Variants in TPCN1 observed in about 807,000 individuals in gnomAD.
TPCN1 encodes two pore channel protein 1.
TPCN1 carries 52 observed loss-of-function variants against 108.8 expected under a neutral mutation model. That is an observed-to-expected ratio of 0.48 (90% confidence interval 0.38 to 0.60). TPCN1 has a LOEUF of 0.60. Ranked by LOEUF, TPCN1 falls within the 20% of genes least tolerant of loss-of-function variation. TPCN1 has a pLI of 0.00. For missense variants in TPCN1, 806 were observed against 1,072.8 expected (o/e 0.75, Z 3.47); for synonymous variants, 446 against 433.7 (o/e 1.03, Z -0.35).
intron 1 of TPCN1, among the ~76,000 whole-genome samples, chr12:113,225,828 A>G (rs1006187301): frequency 1.3e-5 from 2 of 152,010 alleles, no homozygotes; most frequent in African/African-American, 4.8e-5. Flanking sequence ...TGCTGGGATT[A>G]CAGGTGTCAG....
chr12:113,269,764 C>T lies in TPCN1; in HGVS notation c.667C>T (p.Arg223Trp), dbSNP rs576942556. Reference protein sequence around the residue: ...RYCGGVRRNLRQIFQSLPPFM... With the variant: ...RYCGGVRRNLWQIFQSLPPFM... ...TGGCCCATCTCTCCCCAGCAACCTGCGGCAGATCTTCCAGTCCCTGCCGCC... is the reference window on the plus strand; with the variant it reads ...TGGCCCATCTCTCCCCAGCAACCTGTGGCAGATCTTCCAGTCCCTGCCGCC... Residue 223 changes from arginine (R) to tryptophan (W), a missense_variant, in exon 7 of 28, where the codon CGG becomes TGG. Arg to Trp is a moderately radical substitution (Grantham distance 101). Transcript: ENST00000335509. The surrounding 1 kb of genome is among the most constrained non-coding windows in gnomAD (Gnocchi z 5.0). 1.9e-6 allele frequency: 3 copies of T among 1,613,458 alleles called. No homozygotes were observed. The highest frequency in any genetic ancestry group is 4.5e-5 in the East Asian group (2 of 44,894).
chr12:113,239,614 G>A (rs1258797232), intron 2 of TPCN1, among the ~76,000 whole-genome samples: 1 of 152,202 alleles, frequency 6.6e-6, no homozygotes, highest in Admixed American at 6.5e-5. Context: ...CCACTGGAGG[G>A]TGACAAGGAG....
intron 14 of TPCN1, 37 bp from the exon 15 acceptor site, chr12:113,280,114 G>A (rs766170866): frequency 1.9e-5 from 29 of 1,531,254 alleles, no homozygotes; most frequent in Admixed American, 1.2e-4. Context: ...GAACAAGTGC[G>A]TAAATTTACA....
chr12:113,266,359 G>T lies in TPCN1; in HGVS notation c.414+3G>T. ...CCGCACTCCGGCTTGGCATCTATGT[G>T]AGCGCACATGCTCCTCATACGGGGG... On this transcript the variant is annotated splice_donor_region_variant and intron_variant, in intron 4 of 27. Transcript: ENST00000335509. The surrounding 1 kb of genome is among the most constrained non-coding windows in gnomAD (Gnocchi z 4.2). 6.2e-7 allele frequency: 1 copy of T among 1,605,082 alleles called. No individual in the cohort carries two copies.
At chr12:113,239,984 T>C (rs767037120) in intron 2 of TPCN1, among the ~76,000 whole-genome samples, 1 of 152,056 alleles carries the variant, frequency 6.6e-6, no homozygotes, top group East Asian at 1.9e-4. Flanking sequence ...CTTTCACTTG[T>C]GGGTGGTCGT....
At chr12:113,292,812 A>G in intron 25 of TPCN1, 122 bp from the exon 26 acceptor site, 1 of 1,097,138 alleles carries the variant, frequency 9.1e-7, no homozygotes, top group East Asian at 2.4e-5. Flanking sequence ...ACACCAATGC[A>G]GTGTCGGTTT....
Position 113,288,774 on chromosome 12 carries a change from C to G in TPCN1, c.1723C>G (p.Leu575Val). 2 of 1,613,074 alleles carry G rather than the reference C, an allele frequency of 1.2e-6. No individual in the cohort carries two copies. The highest frequency in any genetic ancestry group is 1.7e-6 in the Non-Finnish European group (2 of 1,180,022). ...GCCCCACAGCCTGGGCCTCACCCTGCTCATCTTTTACTACTCCTTCGCCAT... is the reference window on the plus strand; with the variant it reads ...GCCCCACAGCCTGGGCCTCACCCTGGTCATCTTTTACTACTCCTTCGCCAT... ...PRMASLGLTL[L>V]IFYYSFAIVG... The change falls in exon 21 of 28, where the codon CTC becomes GTC. Residue 575 changes from leucine to valine, a missense_variant. Physicochemically the swap from Leu to Val is conservative, Grantham distance 32. Transcript: ENST00000335509. This position sits in a 1 kb window ranked among gnomAD's most constrained non-coding sequence, Gnocchi z 4.8.
At position 113,284,992 on chromosome 12, in the gene TPCN1, G is replaced by T. The variant is rs948738904; in HGVS notation, c.1453+221G>T. 6.6e-6 allele frequency among the ~76,000 whole-genome samples: 1 copy of T among 152,204 alleles called. No homozygotes were observed. Among genetic ancestry groups the T allele is most frequent in the South Asian group, 2.1e-4 (1 of 4,834 alleles). ...CTAGGCGTGTGTGACCCTCCACTCG[G>T]CTCTGCAGCCCTGCTGTTTGCCAGC... is the stretch of plus-strand genomic sequence containing the variant. On this transcript the variant is annotated intron_variant, in intron 17 of 27. Coordinates refer to ENST00000335509, the MANE Select transcript of TPCN1 (RefSeq NM_017901.6). The surrounding 1 kb of genome is among the most constrained non-coding windows in gnomAD (Gnocchi z 4.1).
rs1956320791 is a variant in TPCN1, at chr12:113,293,086, G to T, written c.2253+13G>T. 1.9e-6 allele frequency: 3 copies of T among 1,608,100 alleles called. No individual in the cohort carries two copies. The highest frequency in any genetic ancestry group is 2.5e-6 in the Non-Finnish European group (3 of 1,176,944). ...GGAGAGATACCAGGTGAGGAGCCCA[G>T]GCCCTGGTCCGAAGGAGGGAGGCAG... On this transcript the variant is annotated intron_variant, in intron 26 of 27. Coordinates refer to ENST00000335509, the MANE Select transcript of TPCN1 (RefSeq NM_017901.6).
At chr12:113,234,746 T>G (rs1167777408) in intron 2 of TPCN1, among the ~76,000 whole-genome samples, 1 of 152,232 alleles carries the variant, frequency 6.6e-6, no homozygotes, top group East Asian at 1.9e-4. Context: ...GGGGCCAGTG[T>G]GCACTCTCTG....
At chr12:113,293,670 T>C (rs1178508797) in intron 27 of TPCN1, among the ~76,000 whole-genome samples, 1 of 152,154 alleles carries the variant, frequency 6.6e-6, no homozygotes, top group Non-Finnish European at 1.5e-5. Context: ...AGAAACACAG[T>C]GAGCAAAGAG....
Position 113,297,202 on chromosome 12 carries a change from T to G in TPCN1, c.*1126T>G, listed in dbSNP as rs1956455119. The G allele has an allele frequency of 6.6e-6, 1 of 152,466 alleles. No individual in the cohort carries two copies. The highest frequency in any genetic ancestry group is 2.4e-5 in the African/African-American group (1 of 41,328). The allele number at this position is 152,466 out of a possible 1,614,324, so 9.4% of individuals were successfully genotyped here. A position where few individuals can be genotyped will look rare whatever the true frequency, so the allele number is the denominator to read the frequency against. ...TACCCTGTAGGAGCCCTGTATGACATCTGAGCGTGGTGGAGGTAGGAGGGT... is the reference window on the plus strand; with the variant it reads ...TACCCTGTAGGAGCCCTGTATGACAGCTGAGCGTGGTGGAGGTAGGAGGGT... On this transcript the variant is annotated 3_prime_UTR_variant, in exon 28 of 28. Transcript: ENST00000335509. This position sits in a 1 kb window ranked among gnomAD's most constrained non-coding sequence, Gnocchi z 4.4.
In TPCN1 at chr12:113,273,201, C is replaced by T. The variant is rs192329797; in HGVS notation, c.784-31C>T. ...TGATGGCCGTGTGCTCTTGGCTGGT[C>T]CCGACTTCTCTGCCCTCTCTTCCCT... is the stretch of plus-strand genomic sequence containing the variant. On this transcript the variant is annotated intron_variant, in intron 8 of 27. Coordinates refer to ENST00000335509, the MANE Select transcript of TPCN1 (RefSeq NM_017901.6). This position sits in a 1 kb window ranked among gnomAD's most constrained non-coding sequence, Gnocchi z 4.0. The T allele has an allele frequency of 6.2e-7, 1 of 1,611,526 alleles. No individual in the cohort carries two copies. The highest frequency in any genetic ancestry group is 8.5e-7 in the Non-Finnish European group (1 of 1,177,602).
At chr12:113,275,098 C>T (rs777688649) in intron 10 of TPCN1, among the ~76,000 whole-genome samples, 14 of 152,172 alleles carry the variant, frequency 9.2e-5, no homozygotes, top group Non-Finnish European at 1.6e-4. Flanking sequence ...GCAGAGCTAA[C>T]GGGGAGAGGC....
intron 2 of TPCN1, among the ~76,000 whole-genome samples, chr12:113,227,743 G>A (rs191825292): frequency 9.9e-5 from 15 of 152,248 alleles, no homozygotes; most frequent in East Asian, 9.6e-4. Context: ...ATGTTCCACC[G>A]TCTCCCAGTG....
At chr12:113,279,380 TA>T (rs1955800433) in intron 14 of TPCN1, among the ~76,000 whole-genome samples, 145 of 33,914 alleles carry the variant, frequency 4.3e-3, no homozygotes, top group African/African-American at 0.015. Flanking sequence ...TATATATATA[TA>T]TATATATATA....
chr12:113,285,175 C>T lies in TPCN1; in HGVS notation c.1453+404C>T, dbSNP rs1007877030. On this transcript the variant is annotated intron_variant, in intron 17 of 27. Coordinates refer to ENST00000335509, the MANE Select transcript of TPCN1 (RefSeq NM_017901.6). Reference sequence around the variant, plus strand: ...CTGCTCTTTCCATCAAGTCTGAGCACACTGTGTTGTCATTCCCTGTTGGCG... The same window carrying T: ...CTGCTCTTTCCATCAAGTCTGAGCATACTGTGTTGTCATTCCCTGTTGGCG... 2.0e-5 allele frequency among the ~76,000 whole-genome samples: 3 copies of T among 152,232 alleles called. No homozygotes were observed. In the East Asian group the frequency reaches 5.8e-4, roughly 29 times the overall value.
At position 113,284,506 on chromosome 12, in the gene TPCN1, G is replaced by A. The variant is rs1955998558; in HGVS notation, c.1343-75G>A. On this transcript the variant is annotated intron_variant, in intron 15 of 27. Coordinates refer to ENST00000335509, the MANE Select transcript of TPCN1 (RefSeq NM_017901.6). The surrounding 1 kb of genome is among the most constrained non-coding windows in gnomAD (Gnocchi z 4.1). ...CGTAGAGCTCCAGGAAGTTAACCAG[G>A]GACTTCAGCTGCGACCTGCAGATTT... The A allele has an allele frequency of 6.4e-7, 1 of 1,553,016 alleles. No individual in the cohort carries two copies. Among genetic ancestry groups the A allele is most frequent in the Non-Finnish European group, 8.9e-7 (1 of 1,126,672 alleles).
At chr12:113,259,499 G>T (rs531062864) in intron 2 of TPCN1, among the ~76,000 whole-genome samples, 1 of 152,190 alleles carries the variant, frequency 6.6e-6, no homozygotes, top group South Asian at 2.1e-4. Flanking sequence ...TAGATTTCAG[G>T]CACAGCTGGA....
Sources: gnomAD v4.1 joint callset for allele counts (sites outside exome capture counted in the v4.1 genomes callset) on GRCh38, gnomAD v4.1.1 for gene constraint, Gnocchi (gnomAD v3.1) non-coding constraint, MANE v1.5 for transcripts, NCBI Gene and HGNC (gene_info 2026-07-23, HGNC 2026-07-21) for gene names.